Variants in SYNE2 observed in about 807,000 individuals in gnomAD.
The protein encoded by SYNE2 is spectrin repeat containing nuclear envelope protein 2.
A neutral mutation model predicts 856.3 loss-of-function variants in SYNE2; 431 were observed. That is an observed-to-expected ratio of 0.50 (90% CI 0.47 to 0.55). The LOEUF is 0.55. Among genes scored for constraint, SYNE2 ranks in the 20% least tolerant of loss-of-function variants. SYNE2 has a pLI of 0.00. For synonymous variants in SYNE2, 2,923 were observed against 2,872.3 expected (o/e 1.02, Z -0.56); for missense variants, 8,129 against 8,023.2 (o/e 1.01, Z -0.50).
chr14:64,066,633 T>A (rs1164040846), intron 51 of SYNE2, among the ~76,000 whole-genome samples: 1 of 152,266 alleles, frequency 6.6e-6, no homozygotes, highest in African/African-American at 2.4e-5. Context: ...GAGGCCTGAC[T>A]AGTGAATAGT....
At chr14:64,038,619 C>T (rs1213809872) in intron 45 of SYNE2, among the ~76,000 whole-genome samples, 1 of 152,366 alleles carries the variant, frequency 6.6e-6, no homozygotes, top group East Asian at 1.9e-4. Context: ...GCTGGTGGAT[C>T]ACTCGGCGGT....
intron 93 of SYNE2, among the ~76,000 whole-genome samples, chr14:64,169,608 A>G (rs1278187081): frequency 2.6e-5 from 4 of 152,226 alleles, no homozygotes; most frequent in Admixed American, 2.6e-4. Flanking sequence ...CCACCCATAC[A>G]CCTCTGAATC....
intron 66 of SYNE2, among the ~76,000 whole-genome samples, chr14:64,115,183 C>A (rs1183646867): frequency 6.6e-6 from 1 of 152,184 alleles, no homozygotes; most frequent in Non-Finnish European, 1.5e-5. Context: ...ATCTTCATTG[C>A]CACTTGTAGT....
intron 1 of SYNE2, among the ~76,000 whole-genome samples, chr14:63,768,316 A>C (rs1886765009): frequency 6.6e-6 from 1 of 152,222 alleles, no homozygotes; most frequent in African/African-American, 2.4e-5. Flanking sequence ...CCCACAATTA[A>C]AGGCAAAAAT....
chr14:64,055,908 C>T, intron 48 of SYNE2, 36 bp from the exon 49 acceptor site: 1 of 1,577,640 alleles, frequency 6.3e-7, no homozygotes, highest in Non-Finnish European at 8.7e-7. Context: ...AAAAGTTTGA[C>T]AATTTTGTCA....
Position 64,139,969 on chromosome 14 carries a change from A to T in SYNE2, c.14872A>T (p.Lys4958Ter). 1 of 1,614,060 alleles carries T rather than the reference A, an allele frequency of 6.2e-7. No individual in the cohort carries two copies. The highest frequency in any genetic ancestry group is 8.5e-7 in the Non-Finnish European group (1 of 1,179,986). Residue 4958 changes from lysine (K) to a stop codon, truncating the protein, a stop_gained, in exon 80 of 116, where the codon AAG becomes TAG. Coordinates refer to ENST00000555002, the MANE Select transcript of SYNE2 (RefSeq NM_182914.3). LOFTEE classifies it high-confidence loss of function. ...SYNRDSDQLT[K>*]WLESSQHTLN... ...TAACAGAGATTCGGATCAGTTAACC[A>T]AGTGGTTGGAATCTTCCCAGCATAC...
intron 2 of SYNE2, among the ~76,000 whole-genome samples, chr14:63,931,116 A>G (rs1319423400): frequency 2.0e-5 from 3 of 152,184 alleles, no homozygotes; most frequent in African/African-American, 7.2e-5. Context: ...AGAATTGCTT[A>G]GCGTTAGGGA....
intron 45 of SYNE2, among the ~76,000 whole-genome samples, chr14:64,035,607 G>C (rs1446410894): frequency 2.1e-5 from 3 of 143,518 alleles, no homozygotes; most frequent in Admixed American, 1.5e-4. Context: ...AAAGACCTTA[G>C]AAATTGTCTA....
intron 1 of SYNE2, among the ~76,000 whole-genome samples, chr14:63,765,511 C>A (rs1432327463): frequency 6.6e-6 from 1 of 152,050 alleles, no homozygotes; most frequent in Non-Finnish European, 1.5e-5. Context: ...CGCCACCATG[C>A]CCGGCTAATT....
chr14:64,208,305 T>G (rs2098619021), intron 100 of SYNE2: 2 of 374,550 alleles, frequency 5.3e-6, no homozygotes, highest in South Asian at 4.0e-5. Context: ...TTTGAAGAGT[T>G]CGGTAGCTGA....
chr14:63,976,557 T>TTTG lies in SYNE2; in HGVS notation c.1129-4_1129-3insGTT. ...AATATGTTCTTTTTTTTTTTTTTTT[T>TTTG]TTCAGATTAATGCATGGAAAATAAA... On this transcript the variant is annotated splice_region_variant and splice_polypyrimidine_tract_variant and intron_variant, in intron 11 of 115. Coordinates refer to ENST00000555002, the MANE Select transcript of SYNE2 (RefSeq NM_182914.3). 6.3e-7 allele frequency: 1 copy of TTTG among 1,591,614 alleles called. No homozygotes were observed. Among genetic ancestry groups the TTTG allele is most frequent in the Non-Finnish European group, 8.5e-7 (1 of 1,171,314 alleles).
chr14:64,100,531 A>AAAAAAATAT (rs1491537041), intron 63 of SYNE2, among the ~76,000 whole-genome samples: 3 of 39,498 alleles, frequency 7.6e-5, no homozygotes, highest in Non-Finnish European at 9.3e-5. Context: ...AAAAAAAAAA[A>AAAAAAATAT]ATATATATAT....
At position 64,007,191 on chromosome 14, in the gene SYNE2, T is replaced by G; in HGVS notation, c.4546T>G (p.Trp1516Gly). 1.9e-6 allele frequency: 3 copies of G among 1,614,136 alleles called. No homozygotes were observed. The highest frequency in any genetic ancestry group is 2.5e-6 in the Non-Finnish European group (3 of 1,179,988). Residue 1516 changes from tryptophan to glycine, a missense_variant, in exon 31 of 116, where the codon TGG becomes GGG. By Grantham distance (184) the Trp-to-Gly change is radical. Transcript: ENST00000555002. ...ACAGTGCCAAAATACAGTAGTCTTG[T>G]GGGAGAATACCAAAGCCTTGGTCAC... ...NQQCQNTVVL[W>G]ENTKALVTEC...
intron 99 of SYNE2, among the ~76,000 whole-genome samples, chr14:64,192,227 T>C (rs2098521917): frequency 6.6e-6 from 1 of 152,188 alleles, no homozygotes; most frequent in Non-Finnish European, 1.5e-5. Flanking sequence ...AGTGCATTCG[T>C]TAAGAATAAG....
At chr14:63,864,457 T>G (rs892649650) in intron 1 of SYNE2, 2 of 152,232 alleles carry the variant, frequency 1.3e-5, no homozygotes, top group Non-Finnish European at 2.9e-5. Context: ...TGATGGTTTC[T>G]GAGAACTGGA....
intron 27 of SYNE2, 82 bp from the exon 28 acceptor site, chr14:64,000,480 T>C (rs1405566123): frequency 7.8e-7 from 1 of 1,286,534 alleles, no homozygotes; most frequent in Non-Finnish European, 1.1e-6. Context: ...CCACAGTTGG[T>C]GAATGTCTCA....
intron 1 of SYNE2, among the ~76,000 whole-genome samples, chr14:63,814,971 T>TATCCATATATATCCATATATAC (rs1433413985): frequency 3.0e-3 from 279 of 93,280 alleles, no homozygotes; most frequent in Non-Finnish European, 4.3e-3. Flanking sequence ...CATATATATC[T>TATCCATATATATCCATATATAC]ATCCATATAT....
chr14:64,047,848 A>G (rs753770022), intron 45 of SYNE2, 152 bp from the exon 46 acceptor site: 4 of 788,802 alleles, frequency 5.1e-6, no homozygotes, highest in South Asian at 3.6e-5. Context: ...GCATTATTAT[A>G]TGGAAAAATC....
chr14:63,987,895 G>A (rs2096638009), intron 19 of SYNE2, among the ~76,000 whole-genome samples: 1 of 152,104 alleles, frequency 6.6e-6, no homozygotes, highest in South Asian at 2.1e-4. Context: ...AGTAAGAAAT[G>A]AAAGTTCCTA....
Sources: gnomAD v4.1 joint callset for allele counts (sites outside exome capture counted in the v4.1 genomes callset) on GRCh38, gnomAD v4.1.1 for gene constraint, MANE v1.5 for transcripts, NCBI Gene and HGNC (gene_info 2026-07-23, HGNC 2026-07-21) for gene names.